SORCS3: variants seen among roughly 807,000 people sequenced by gnomAD.
SORCS3 encodes the protein sortilin related VPS10 domain containing receptor 3.
A neutral mutation model predicts 146.3 loss-of-function variants in SORCS3; 57 were observed. The ratio of observed to expected loss-of-function variants is 0.39; its 90% CI spans 0.31 to 0.49. SORCS3 has a LOEUF of 0.49. Ranked by LOEUF, SORCS3 falls within the 20% of genes least tolerant of loss-of-function variation. The probability of loss-of-function intolerance (pLI) is 0.92; values close to 1 mark genes in which losing one functional copy is unlikely to be tolerated. For synonymous variants in SORCS3, 653 were observed against 618.5 expected (o/e 1.06, Z -0.83); for missense variants, 1,341 against 1,575.5 (o/e 0.85, Z 2.52).
At chr10:105,143,992 C>T (rs1415143364) in intron 8 of SORCS3, among the ~76,000 whole-genome samples, 2 of 152,112 alleles carry the variant, frequency 1.3e-5, no homozygotes, top group Non-Finnish European at 2.9e-5. Context: ...AATGCTTCCG[C>T]AATTAATTTG....
chr10:105,204,122 T>G (rs955786650), intron 16 of SORCS3, among the ~76,000 whole-genome samples: 2 of 152,104 alleles, frequency 1.3e-5, no homozygotes, highest in Non-Finnish European at 2.9e-5. Flanking sequence ...GTTCTCATAC[T>G]TGCACTGGTA....
intron 22 of SORCS3, among the ~76,000 whole-genome samples, chr10:105,250,307 G>A (rs764697991): frequency 2.0e-5 from 3 of 152,140 alleles, no homozygotes; most frequent in Non-Finnish European, 4.4e-5. Flanking sequence ...TCAGATCATA[G>A]CATATGTCTT....
intron 2 of SORCS3, among the ~76,000 whole-genome samples, chr10:104,898,001 C>T (rs146394136): frequency 1.7e-3 from 262 of 152,298 alleles, no homozygotes; most frequent in Middle Eastern, 6.8e-3. Flanking sequence ...TTCCTTTGCA[C>T]CCTTGACAGA....
intron 11 of SORCS3, 131 bp downstream of exon 11, chr10:105,159,125 G>T (rs1175787977): frequency 3.2e-6 from 2 of 617,512 alleles, no homozygotes; most frequent in African/African-American, 1.9e-5. Flanking sequence ...AAAATATGCA[G>T]GGTTCCTCAA....
At chr10:104,674,909 GAC>G (rs1237158701) in intron 1 of SORCS3, among the ~76,000 whole-genome samples, 3 of 152,078 alleles carry the variant, frequency 2.0e-5, no homozygotes, top group African/African-American at 2.4e-5. Context: ...ATGGACATCT[GAC>G]TTGTTTCCAA....
intron 3 of SORCS3, among the ~76,000 whole-genome samples, chr10:104,949,064 A>G (rs2019401671): frequency 6.6e-6 from 1 of 152,160 alleles, no homozygotes; most frequent in South Asian, 2.1e-4. Context: ...GGTCTTCTCC[A>G]TTGTATGAAT....
At chr10:104,661,250 T>G (rs766126774) in intron 1 of SORCS3, among the ~76,000 whole-genome samples, 1 of 152,120 alleles carries the variant, frequency 6.6e-6, no homozygotes, top group Non-Finnish European at 1.5e-5. Context: ...CAGGGGCCCA[T>G]GGAGTTGGGA....
chr10:104,794,620 AGGG>A, intron 1 of SORCS3, among the ~76,000 whole-genome samples: 1 of 86,016 alleles, frequency 1.2e-5, no homozygotes, highest in African/African-American at 5.9e-5. Flanking sequence ...AGAGAGAGGG[AGGG>A]AGAGAGAGAG....
At chr10:105,003,948 A>G (rs2055077058) in intron 4 of SORCS3, among the ~76,000 whole-genome samples, 1 of 149,912 alleles carries the variant, frequency 6.7e-6, no homozygotes, top group Non-Finnish European at 1.5e-5. Context: ...CTGGATGCCA[A>G]ACCTCCTTGT....
chr10:104,724,129 A>G (rs1385349401), intron 1 of SORCS3, among the ~76,000 whole-genome samples: 1 of 152,148 alleles, frequency 6.6e-6, no homozygotes, highest in African/African-American at 2.4e-5. Context: ...GTTCCTTTCC[A>G]TGTTTAGTGC....
Position 104,641,940 on chromosome 10 carries a change from G to T in SORCS3, c.613G>T (p.Gly205Ter). ...AHNQAMVHWS[G>*]HNSSVILILT... ...CAACCAAGCCATGGTGCACTGGTCG[G>T]GACACAACAGCAGCGTGAGTACCCA... Residue 205 changes from glycine (G) to a stop codon, truncating the protein, a stop_gained, in exon 1 of 27, where the codon GGA (glycine) becomes TGA (stop). Transcript: ENST00000369701. LOFTEE classifies it high-confidence loss of function. This position sits in a 1 kb window ranked among gnomAD's most constrained non-coding sequence, Gnocchi z 6.4. 1 of 1,348,080 alleles carries T rather than the reference G, an allele frequency of 7.4e-7. No individual in the cohort carries two copies. Among genetic ancestry groups the T allele is most frequent in the Non-Finnish European group, 9.8e-7 (1 of 1,021,624 alleles). The allele number at this position is 1,348,080 out of a possible 1,614,324, so 83.5% of individuals were successfully genotyped here. A position where few individuals can be genotyped will look rare whatever the true frequency, so the allele number is the denominator to read the frequency against.
At chr10:104,908,343 G>C (rs536892513) in intron 2 of SORCS3, among the ~76,000 whole-genome samples, 2 of 152,292 alleles carry the variant, frequency 1.3e-5, no homozygotes, top group East Asian at 3.9e-4. Context: ...TTAAGTGTAA[G>C]TAGTGCAAAT....
chr10:104,998,194 A>C (rs1031169955), intron 4 of SORCS3, among the ~76,000 whole-genome samples: 2 of 152,202 alleles, frequency 1.3e-5, no homozygotes, highest in Non-Finnish European at 2.9e-5. Context: ...AGACAGTGCA[A>C]GGCTCTGGAA....
chr10:105,085,802 C>CT (rs940820133), intron 5 of SORCS3, among the ~76,000 whole-genome samples: 2 of 152,122 alleles, frequency 1.3e-5, no homozygotes, highest in African/African-American at 4.8e-5. Flanking sequence ...CTCTGACTCT[C>CT]TGATTCTCTA....
intron 3 of SORCS3, among the ~76,000 whole-genome samples, chr10:104,950,304 T>A (rs986759329): frequency 6.6e-6 from 1 of 152,154 alleles, no homozygotes; most frequent in Non-Finnish European, 1.5e-5. Flanking sequence ...GTCAGTAAGT[T>A]TGGGGGTTAG....
intron 2 of SORCS3, among the ~76,000 whole-genome samples, chr10:104,914,232 T>C (rs1238460674): frequency 6.6e-6 from 1 of 152,146 alleles, no homozygotes; most frequent in Non-Finnish European, 1.5e-5. Flanking sequence ...GTTCTTTAAT[T>C]CTTTGAGGAG....
chr10:104,897,728 G>A (rs757490133), intron 2 of SORCS3, among the ~76,000 whole-genome samples: 6 of 152,208 alleles, frequency 3.9e-5, no homozygotes, highest in Non-Finnish European at 8.8e-5. Flanking sequence ...TCCTTTGTGA[G>A]TGCAGAATAT....
At chr10:104,813,300 A>G (rs573822025) in intron 1 of SORCS3, among the ~76,000 whole-genome samples, 16 of 152,312 alleles carry the variant, frequency 1.1e-4, no homozygotes, top group African/African-American at 3.4e-4. Flanking sequence ...TGTGAAAGGT[A>G]TCCTCACTTT....
chr10:104,735,456 G>GTTCTTTTTTTTTTTT (rs2016757341), intron 1 of SORCS3, among the ~76,000 whole-genome samples: 1 of 34,994 alleles, frequency 2.9e-5, no homozygotes, highest in Non-Finnish European at 4.8e-5. Context: ...CTCACCGTCT[G>GTTCTTTTTTTTTTTT]TTTTTTTTTT....
Sources: allele counts gnomAD v4.1 joint callset (sites outside exome capture counted in the v4.1 genomes callset), GRCh38; gene constraint gnomAD v4.1.1; non-coding constraint Gnocchi (gnomAD v3.1); transcripts MANE v1.5; gene names NCBI Gene and HGNC (gene_info 2026-07-23, HGNC 2026-07-21).